FUT8: variants seen among roughly 807,000 people sequenced by gnomAD.
The protein encoded by FUT8 is alpha-(1,6)-fucosyltransferase.
Under a neutral mutation model 71.3 loss-of-function variants are expected in FUT8, and 29 were observed. That is an observed-to-expected ratio of 0.41 (90% CI 0.30 to 0.55). The LOEUF is 0.55. Ranked by LOEUF, FUT8 falls within the 20% of genes least tolerant of loss-of-function variation. FUT8 has a pLI of 0.34. For synonymous variants in FUT8, 254 were observed against 239.3 expected (o/e 1.06, Z -0.57); for missense variants, 544 against 702.1 (o/e 0.77, Z 2.55).
rs10483784 is a variant in FUT8 at position 65,660,061 on chromosome 14, T to C, written c.598-9182T>C. Among the ~76,000 whole-genome samples, 9,499 of 152,236 alleles carry C rather than the reference T, an allele frequency of 0.062. 542 individuals carry two copies. Among genetic ancestry groups the C allele is most frequent in the African/African-American group, 0.15 (6,104 of 41,544 alleles). ...CTCCTCATGTAACTCAACTTCTGTA[T>C]CCTTGGAGGTAGTTTTATTTACATT... On this transcript the variant is annotated intron_variant, in intron 6 of 10. Coordinates refer to ENST00000673929, the MANE Select transcript of FUT8 (RefSeq NM_001371533.1). The surrounding 1 kb of genome is among the most constrained non-coding windows in gnomAD (Gnocchi z 4.1).
At chr14:65,611,491 C>T (rs1888996846) in intron 3 of FUT8, among the ~76,000 whole-genome samples, 2 of 151,262 alleles carry the variant, frequency 1.3e-5, no homozygotes, top group East Asian at 1.9e-4. Flanking sequence ...TTTATTACTT[C>T]GTTTCTTCCA....
chr14:65,502,371 C>T (rs1490620418), intron 2 of FUT8, among the ~76,000 whole-genome samples: 2 of 151,754 alleles, frequency 1.3e-5, no homozygotes, highest in African/African-American at 4.8e-5. Flanking sequence ...ATTATAGGCA[C>T]CCACCACCAT....
chr14:65,397,932 A>G, the FUT8 span, among the ~76,000 whole-genome samples: 1 of 152,206 alleles, frequency 6.6e-6, no homozygotes, highest in Non-Finnish European at 1.5e-5. This position sits in a 1 kb window ranked among gnomAD's most constrained non-coding sequence, Gnocchi z 4.2. Context: ...GTTTCCTTAT[A>G]TGGCATTTTG....
At chr14:65,541,640 G>A (rs1272344322) in intron 2 of FUT8, among the ~76,000 whole-genome samples, 1 of 152,146 alleles carries the variant, frequency 6.6e-6, no homozygotes, top group Non-Finnish European at 1.5e-5. Flanking sequence ...ACATTGGTGA[G>A]GGCACATGTT....
chr14:65,581,324 TAAG>T (rs1023723528), intron 3 of FUT8, among the ~76,000 whole-genome samples: 10 of 152,110 alleles, frequency 6.6e-5, no homozygotes, highest in Admixed American at 5.2e-4. Flanking sequence ...CATAACAGAA[TAAG>T]AAGACTAACA....
chr14:65,731,089 TA>T (rs1895958857), intron 9 of FUT8, among the ~76,000 whole-genome samples: 1 of 152,266 alleles, frequency 6.6e-6, no homozygotes, highest in African/African-American at 2.4e-5. Context: ...ATTTGTTCAC[TA>T]TTTTATTGAA....
At chr14:65,525,705 A>G (rs1883414973) in intron 2 of FUT8, among the ~76,000 whole-genome samples, 1 of 152,356 alleles carries the variant, frequency 6.6e-6, no homozygotes, top group African/African-American at 2.4e-5. Context: ...ATTTAGTGCT[A>G]TAAATTTCCC....
At chr14:65,361,436 T>C in the FUT8 span, among the ~76,000 whole-genome samples, 21 of 151,378 alleles carry the variant, frequency 1.4e-4, 1 homozygote, top group African/African-American at 5.1e-4. Flanking sequence ...TAAATTACTA[T>C]TGTCCTAAGT....
Position 65,692,380 on chromosome 14 carries a change from G to A in FUT8, c.835+22900G>A, listed in dbSNP as rs866927216. On this transcript the variant is annotated intron_variant, in intron 7 of 10. Transcript: ENST00000673929. Reference sequence around the variant, plus strand: ...GGGCTGACCCCCCCACCTCCCTCCCGGACGGGGCGGCTGGCCGGGCGGGGG... The same window carrying A: ...GGGCTGACCCCCCCACCTCCCTCCCAGACGGGGCGGCTGGCCGGGCGGGGG... Among the ~76,000 whole-genome samples, 12 of 139,020 alleles carry A rather than the reference G, an allele frequency of 8.6e-5. No individual in the cohort carries two copies. In the Middle Eastern group the frequency reaches 0.014, roughly 158 times the overall value. The allele number at this position is 139,020 out of a possible 152,430, so 91.2% of individuals were successfully genotyped here.
At chr14:65,502,033 C>T (rs2066653934) in intron 2 of FUT8, among the ~76,000 whole-genome samples, 1 of 151,852 alleles carries the variant, frequency 6.6e-6, no homozygotes, top group African/African-American at 2.4e-5. Flanking sequence ...ACCTCAGCCA[C>T]CCAAGTAGCT....
At chr14:65,724,021 A>G (rs1895556383) in intron 8 of FUT8, 126 bp from the exon 9 acceptor site, 4 of 592,458 alleles carry the variant, frequency 6.8e-6, no homozygotes, top group Non-Finnish European at 1.1e-5. Flanking sequence ...TTTTTCTAAT[A>G]GTGAAAATGA....
At chr14:65,619,675 G>A (rs959382038) in intron 5 of FUT8, among the ~76,000 whole-genome samples, 1 of 152,036 alleles carries the variant, frequency 6.6e-6, no homozygotes, top group Non-Finnish European at 1.5e-5. Context: ...GGTGTTGATG[G>A]TATAATAAAT....
chr14:65,547,128 G>A (rs183740441), intron 2 of FUT8, among the ~76,000 whole-genome samples: 11 of 148,848 alleles, frequency 7.4e-5, no homozygotes, highest in Admixed American at 2.7e-4. Flanking sequence ...TTTTCAGCTT[G>A]TGTCCTTATG....
At chr14:65,536,754 A>G (rs1224483301) in intron 2 of FUT8, among the ~76,000 whole-genome samples, 1 of 152,018 alleles carries the variant, frequency 6.6e-6, no homozygotes, top group Non-Finnish European at 1.5e-5. Flanking sequence ...CTTGTAAAGT[A>G]TTTTGCAGGG....
rs532714814 is a variant in FUT8, at chr14:65,473,327, G to C, written c.-228+17609G>C. On this transcript the variant is annotated intron_variant, in intron 2 of 10. Coordinates refer to ENST00000673929, the MANE Select transcript of FUT8 (RefSeq NM_001371533.1). ...TTTTCAGAAGTCTGTCTCTCTCTCTGTTTCTCTTTTTGTCTGTCTTTTCTA... is the reference window on the plus strand; with the variant it reads ...TTTTCAGAAGTCTGTCTCTCTCTCTCTTTCTCTTTTTGTCTGTCTTTTCTA... Among the ~76,000 whole-genome samples the C allele has an allele frequency of 1.6e-3, 241 of 152,132 alleles. 1 individual carries two copies. Among genetic ancestry groups the C allele is most frequent in the Non-Finnish European group, 2.6e-3 (174 of 67,984 alleles).
chr14:65,544,969 ATCCTC>A (rs1884902688), intron 2 of FUT8, among the ~76,000 whole-genome samples: 1 of 149,540 alleles, frequency 6.7e-6, no homozygotes, highest in African/African-American at 2.5e-5. Context: ...CTCTCTTTTC[ATCCTC>A]TCCTCTTCCT....
chr14:65,522,764 C>A (rs150248570), intron 2 of FUT8, among the ~76,000 whole-genome samples: 1 of 148,002 alleles, frequency 6.8e-6, no homozygotes, highest in Admixed American at 6.8e-5. Context: ...GATGTTCCCC[C>A]TCCTGTGTCC....
At chr14:65,691,882 G>T (rs1893620183) in intron 7 of FUT8, among the ~76,000 whole-genome samples, 2 of 152,210 alleles carry the variant, frequency 1.3e-5, no homozygotes, top group Non-Finnish European at 2.9e-5. Flanking sequence ...ACCCTGAGTA[G>T]ACACAGCTCA....
At chr14:65,686,547 T>C (rs546120929) in intron 7 of FUT8, among the ~76,000 whole-genome samples, 15 of 152,336 alleles carry the variant, frequency 9.8e-5, no homozygotes, top group African/African-American at 3.4e-4. Flanking sequence ...CAATGAAGGA[T>C]TAAAGTTGTT....
Sources: allele counts gnomAD v4.1 joint callset (sites outside exome capture counted in the v4.1 genomes callset), GRCh38; gene constraint gnomAD v4.1.1; non-coding constraint Gnocchi (gnomAD v3.1); transcripts MANE v1.5; gene names NCBI Gene and HGNC (gene_info 2026-07-23, HGNC 2026-07-21).